ARIH1: variants seen among roughly 807,000 people sequenced by gnomAD.
The protein encoded by ARIH1 is ariadne RBR E3 ubiquitin protein ligase 1.
ARIH1 carries 8 observed loss-of-function variants against 85.0 expected under a neutral mutation model. The ratio of observed to expected loss-of-function variants is 0.09; its 90% CI spans 0.06 to 0.17. The LOEUF is 0.17. ARIH1 is among the 10% of genes least tolerant of loss of function. The probability of loss-of-function intolerance (pLI) is 1.00; values close to 1 mark genes in which losing one functional copy is unlikely to be tolerated. For missense variants in ARIH1, 311 were observed against 718.1 expected, an observed-to-expected ratio of 0.43 and a Z score of 6.48; for synonymous variants, 238 against 253.6, an observed-to-expected ratio of 0.94 and a Z score of 0.59.
At chr15:72,551,289 A>G (rs979194430) in intron 3 of ARIH1, among the ~76,000 whole-genome samples, 17 of 152,352 alleles carry the variant, frequency 1.1e-4, no homozygotes, top group African/African-American at 3.8e-4. Context: ...AAGAAATAGG[A>G]AAATATTGAA....
chr15:72,578,821 G>GTT (rs66609745), intron 11 of ARIH1, among the ~76,000 whole-genome samples: 2 of 145,292 alleles, frequency 1.4e-5, no homozygotes, highest in Admixed American at 6.9e-5. Flanking sequence ...TTGGTGTTTT[G>GTT]TTTTTTTTTT....
intron 1 of ARIH1, among the ~76,000 whole-genome samples, chr15:72,484,859 T>C (rs1047792473): frequency 6.6e-6 from 1 of 152,014 alleles, no homozygotes; most frequent in Non-Finnish European, 1.5e-5. Context: ...TGGTTCCCCA[T>C]TTTTGCAGTT....
At position 72,597,837 on chromosome 15, in the gene ARIH1, C is replaced by T. The variant is rs1567366574; in HGVS notation, c.*14545C>T. Reference sequence around the variant, plus strand: ...AAATTTCAGCAGGTTTCTCTTTTCTCCCCCCTGTAGTATTCCTCTTCCTAC... The same window carrying T: ...AAATTTCAGCAGGTTTCTCTTTTCTTCCCCCTGTAGTATTCCTCTTCCTAC... On this transcript the variant is annotated 3_prime_UTR_variant, in exon 14 of 14. Coordinates refer to ENST00000379887, the MANE Select transcript of ARIH1 (RefSeq NM_005744.5). The T allele has an allele frequency of 6.6e-6, 1 of 152,170 alleles. No homozygotes were observed. Among genetic ancestry groups the T allele is most frequent in the Admixed American group, 6.5e-5 (1 of 15,270 alleles). The allele number at this position is 152,170 out of a possible 1,614,324, so 9.4% of individuals were successfully genotyped here.
intron 1 of ARIH1, among the ~76,000 whole-genome samples, chr15:72,508,396 C>T (rs1382992665): frequency 1.3e-5 from 2 of 152,132 alleles, no homozygotes; most frequent in African/African-American, 2.4e-5. Flanking sequence ...GGTGGCACAC[C>T]GAAGTGAATT....
At chr15:72,564,231 A>T (rs1302518067) in intron 7 of ARIH1, among the ~76,000 whole-genome samples, 1 of 152,200 alleles carries the variant, frequency 6.6e-6, no homozygotes, top group Non-Finnish European at 1.5e-5. Context: ...TAATTTCCTC[A>T]ACCAGATATT....
chr15:72,550,053 A>G lies in ARIH1; in HGVS notation c.588+5089A>G, dbSNP rs543434718. 2.8e-3 allele frequency among the ~76,000 whole-genome samples: 425 copies of G among 152,302 alleles called. 4 individuals carry two copies. The highest frequency in any genetic ancestry group is 9.9e-3 in the African/African-American group (412 of 41,564). Reference sequence around the variant, plus strand: ...TAATAATATGTTCCTCGAAAGCACAATGAATATGTATCTTTAGACTACAGA... The same window carrying G: ...TAATAATATGTTCCTCGAAAGCACAGTGAATATGTATCTTTAGACTACAGA... On this transcript the variant is annotated intron_variant, in intron 3 of 13. Coordinates refer to ENST00000379887, the MANE Select transcript of ARIH1 (RefSeq NM_005744.5).
chr15:72,483,890 A>G (rs1373997108), intron 1 of ARIH1, among the ~76,000 whole-genome samples: 1 of 151,702 alleles, frequency 6.6e-6, no homozygotes, highest in African/African-American at 2.4e-5. Context: ...GTAGATTCAC[A>G]GCCGGGCATG....
At chr15:72,490,566 A>G (rs1595850617) in intron 1 of ARIH1, among the ~76,000 whole-genome samples, 1 of 152,110 alleles carries the variant, frequency 6.6e-6, no homozygotes. Context: ...CGCTCCTTTC[A>G]TGGAAAAATT....
Position 72,586,149 on chromosome 15 carries a change from A to G in ARIH1, c.*2857A>G, listed in dbSNP as rs1201222835. 1.3e-5 allele frequency: 2 copies of G among 152,206 alleles called. No homozygotes were observed. Among genetic ancestry groups the G allele is most frequent in the Non-Finnish European group, 2.9e-5 (2 of 68,040 alleles). The allele number at this position is 152,206 out of a possible 1,614,324, so 9.4% of individuals were successfully genotyped here. ...CCACAACCCAGATTGTATGTGTTTT[A>G]TGTGTGTTTAAATAAATATGTTAGA... On this transcript the variant is annotated 3_prime_UTR_variant, in exon 14 of 14. Transcript: ENST00000379887.
intron 3 of ARIH1, among the ~76,000 whole-genome samples, chr15:72,552,293 AT>A (rs1350750150): frequency 6.6e-6 from 1 of 152,152 alleles, no homozygotes; most frequent in Admixed American, 6.5e-5. Context: ...CATTGGATTT[AT>A]TTTTGTTTTT....
At chr15:72,581,389 AC>A (rs1439068164) in intron 12 of ARIH1, 1 of 167,168 alleles carries the variant, frequency 6.0e-6, no homozygotes, top group Non-Finnish European at 1.3e-5. Context: ...TAATTGCTAT[AC>A]GGCACCTGGA....
At chr15:72,502,224 A>G (rs187513877) in intron 1 of ARIH1, among the ~76,000 whole-genome samples, 22 of 152,328 alleles carry the variant, frequency 1.4e-4, no homozygotes, top group South Asian at 6.2e-4. Context: ...TTACAGAAAC[A>G]TTGTATTAAA....
At chr15:72,537,276 A>G (rs2064086649) in intron 2 of ARIH1, among the ~76,000 whole-genome samples, 1 of 152,202 alleles carries the variant, frequency 6.6e-6, no homozygotes, top group South Asian at 2.1e-4. Context: ...AATAACTTTA[A>G]AAACCACAAA....
At chr15:72,491,919 C>T (rs8025088) in intron 1 of ARIH1, among the ~76,000 whole-genome samples, 117,429 of 152,114 alleles carry the variant, frequency 0.77, 51,549 homozygotes, top group Non-Finnish European at 0.96. Flanking sequence ...TTTGCCTCTG[C>T]GGAACTCTTC....
Position 72,584,320 on chromosome 15 carries a change from G to A in ARIH1, c.*1028G>A, listed in dbSNP as rs1415291657. The A allele has an allele frequency of 6.6e-6, 1 of 152,188 alleles. No individual in the cohort carries two copies. The highest frequency in any genetic ancestry group is 6.5e-5 in the Admixed American group (1 of 15,274). 9.4% of individuals were successfully genotyped at this position (152,188 alleles called of 1,614,324 possible). A position where few individuals can be genotyped will look rare whatever the true frequency, so the allele number is the denominator to read the frequency against. ...CTGTCCCAACCTAATCCCCCTCCAT[G>A]GCATCATGCCTCTACCCAAGCCTTT... On this transcript the variant is annotated 3_prime_UTR_variant, in exon 14 of 14. Transcript: ENST00000379887.
intron 9 of ARIH1, among the ~76,000 whole-genome samples, 174 bp from the exon 10 acceptor site, chr15:72,570,003 C>T (rs1450841489): frequency 1.3e-5 from 2 of 152,212 alleles, no homozygotes; most frequent in Non-Finnish European, 2.9e-5. Flanking sequence ...ATAATGGTAA[C>T]AGCTCATTTT....
chr15:72,538,989 CT>C (rs2064095090), intron 2 of ARIH1, among the ~76,000 whole-genome samples: 1 of 152,108 alleles, frequency 6.6e-6, no homozygotes, highest in Admixed American at 6.6e-5. Context: ...AACCATACTG[CT>C]GCTTGTTTTT....
chr15:72,514,207 G>A (rs922762826), intron 1 of ARIH1, among the ~76,000 whole-genome samples: 13 of 152,088 alleles, frequency 8.5e-5, no homozygotes, highest in African/African-American at 2.9e-4. Context: ...AGTGAATACA[G>A]AATTCTAGCT....
Position 72,597,631 on chromosome 15 carries a change from C to T in ARIH1, c.*14339C>T, listed in dbSNP as rs549035164. The stretch of plus-strand genomic sequence containing the variant: ...CTTTCATTTTTAAAGGGTATTTTGC[C>T]CTTGGGAGAAGTCAAGCTCTCTCAG... On this transcript the variant is annotated 3_prime_UTR_variant, in exon 14 of 14. Coordinates refer to ENST00000379887, the MANE Select transcript of ARIH1 (RefSeq NM_005744.5). 1 of 152,012 alleles carries T rather than the reference C, an allele frequency of 6.6e-6. No homozygotes were observed. Among genetic ancestry groups the T allele is most frequent in the Non-Finnish European group, 1.5e-5 (1 of 68,016 alleles). The allele number at this position is 152,012 out of a possible 1,614,324, so 9.4% of individuals were successfully genotyped here. A position where few individuals can be genotyped will look rare whatever the true frequency, so the allele number is the denominator to read the frequency against.
Sources: allele counts gnomAD v4.1 joint callset (sites outside exome capture counted in the v4.1 genomes callset), GRCh38; gene constraint gnomAD v4.1.1; transcripts MANE v1.5; gene names NCBI Gene and HGNC (gene_info 2026-07-23, HGNC 2026-07-21).